The following MAP3K4 variants were observed in gnomAD, a reference collection of about 807,000 sequenced individuals.
MAP3K4 encodes the protein mitogen-activated protein kinase kinase kinase 4, also known as MAP three kinase 1.
MAP3K4 carries 67 observed loss-of-function variants against 185.6 expected under a neutral mutation model. That is an observed-to-expected ratio of 0.36 (90% CI 0.30 to 0.44). The LOEUF (loss-of-function observed/expected upper bound fraction) is 0.44, where lower values mean the gene tolerates loss of function less well. MAP3K4 is among the 20% of genes least tolerant of loss of function. The pLI is 1.00. For synonymous variants in MAP3K4, 702 were observed against 710.4 expected, an observed-to-expected ratio of 0.99 and a Z score of 0.19; for missense variants, 1,551 against 1,995.1, an observed-to-expected ratio of 0.78 and a Z score of 4.24.
Position 161,091,956 on chromosome 6 carries a change from ATAT to A in MAP3K4, c.3136-49_3136-47del. 7.0e-7 allele frequency: 1 copy of A among 1,428,186 alleles called. No homozygotes were observed. The highest frequency in any genetic ancestry group is 9.9e-7 in the Non-Finnish European group (1 of 1,013,816). 88.5% of individuals were successfully genotyped at this position (1,428,186 alleles called of 1,614,324 possible). On this transcript the variant is annotated intron_variant, in intron 12 of 26. Transcript: ENST00000392142. This position sits in a 1 kb window ranked among gnomAD's most constrained non-coding sequence, Gnocchi z 5.5. ...TTTAGACATGGCATTATAGTGTGTG[ATAT>A]TATTTAATGATCATTTCCTTAATGT...
chr6:160,999,791 C>G (rs1421743055), intron 1 of MAP3K4, among the ~76,000 whole-genome samples: 1 of 152,056 alleles, frequency 6.6e-6, no homozygotes. Flanking sequence ...ACTTGGCAAC[C>G]GTGAAATGCT....
chr6:161,002,455 G>C (rs910736840), intron 1 of MAP3K4, among the ~76,000 whole-genome samples: 6 of 151,864 alleles, frequency 4.0e-5, no homozygotes, highest in Admixed American at 1.3e-4. Context: ...AAATCTTCTC[G>C]CTTAATAAAA....
rs1785426533 is a variant in MAP3K4, at chr6:161,081,005, G to A, written c.2222G>A (p.Arg741Gln). 2.5e-6 allele frequency: 4 copies of A among 1,613,906 alleles called. No individual in the cohort carries two copies. The highest frequency in any genetic ancestry group is 3.4e-6 in the Non-Finnish European group (4 of 1,180,006). ...ACCAAAGAAATAACTCATTACATACGGGGAGGAGAAGCACAGGCCGGGAAG... is the reference window on the plus strand; with the variant it reads ...ACCAAAGAAATAACTCATTACATACAGGGAGGAGAAGCACAGGCCGGGAAG... ...NFTKEITHYI[R>Q]GGEAQAGKLF... The change falls in exon 6 of 27, where the codon CGG (arginine) becomes CAG (glutamine). Residue 741 changes from arginine (R) to glutamine (Q), a missense_variant. Arg to Gln is a conservative substitution (Grantham distance 43, BLOSUM62 1). Transcript: ENST00000392142.
At chr6:161,089,919 A>G (rs1202949760) in intron 11 of MAP3K4, among the ~76,000 whole-genome samples, 5 of 152,346 alleles carry the variant, frequency 3.3e-5, no homozygotes, top group Non-Finnish European at 7.4e-5. Flanking sequence ...GTTGCAGAGA[A>G]GTACAAAGGC....
At chr6:161,069,459 G>C (rs1383830669) in intron 3 of MAP3K4, among the ~76,000 whole-genome samples, 3 of 152,172 alleles carry the variant, frequency 2.0e-5, no homozygotes, top group African/African-American at 7.2e-5. Context: ...CGTGTGTGAG[G>C]GTTGGTTGAG....
chr6:161,087,062 C>A lies in MAP3K4; in HGVS notation c.2556+395C>A, dbSNP rs1040000293. 1.3e-5 allele frequency among the ~76,000 whole-genome samples: 2 copies of A among 152,164 alleles called. No homozygotes were observed. The highest frequency in any genetic ancestry group is 2.9e-5 in the Non-Finnish European group (2 of 68,032). On this transcript the variant is annotated intron_variant, in intron 9 of 26. Transcript: ENST00000392142. The surrounding 1 kb of genome is among the most constrained non-coding windows in gnomAD (Gnocchi z 4.9). ...ATCAAGATCCTGGTCATCACTAGAGCCACTTTTTGAGTCAGCAACTTTACT... is the reference window on the plus strand; with the variant it reads ...ATCAAGATCCTGGTCATCACTAGAGACACTTTTTGAGTCAGCAACTTTACT...
rs115450756 is a variant in MAP3K4 at position 161,084,623 on chromosome 6, A to G, written c.2372+6A>G. The G allele has an allele frequency of 5.8e-4, 869 of 1,499,968 alleles. 6 individuals are homozygous for G. In the African/African-American group the frequency reaches 0.011, roughly 19 times the overall value. The allele number at this position is 1,499,968 out of a possible 1,614,324, so 92.9% of individuals were successfully genotyped here. On this transcript the variant is annotated splice_donor_region_variant and intron_variant, in intron 7 of 26. Transcript: ENST00000392142. This position sits in a 1 kb window ranked among gnomAD's most constrained non-coding sequence, Gnocchi z 4.6. ...AGTGCTTCCGACGAAATCAGGTTGG[A>G]GTTGTGCTTCCTTTCCCCTTCCACT...
chr6:161,115,018 C>A lies in MAP3K4; in HGVS notation c.4627-105C>A. 1 of 1,018,772 alleles carries A rather than the reference C, an allele frequency of 9.8e-7. No homozygotes were observed. The allele number at this position is 1,018,772 out of a possible 1,614,324, so 63.1% of individuals were successfully genotyped here. A position where few individuals can be genotyped will look rare whatever the true frequency, so the allele number is the denominator to read the frequency against. ...GCCCTTTCAGTAAAAATTTGCTGTC[C>A]CCTGATATATATTAATGATGAGATG... On this transcript the variant is annotated intron_variant, in intron 25 of 26. Transcript: ENST00000392142. The surrounding 1 kb of genome is among the most constrained non-coding windows in gnomAD (Gnocchi z 6.0).
At chr6:161,081,474 G>A (rs780822958) in intron 6 of MAP3K4, among the ~76,000 whole-genome samples, 12 of 152,202 alleles carry the variant, frequency 7.9e-5, no homozygotes, top group African/African-American at 1.2e-4. Context: ...GCGTATATCA[G>A]TCTTGGTGGG....
chr6:161,028,363 G>A (rs1013083214), intron 1 of MAP3K4, among the ~76,000 whole-genome samples: 6 of 152,002 alleles, frequency 3.9e-5, no homozygotes, highest in African/African-American at 9.7e-5. Context: ...GTGTGGGGGC[G>A]TAGGGATTTC....
rs1778239353 is a variant in MAP3K4 at position 161,109,229 on chromosome 6, C to A, written c.4236+370C>A. Reference sequence around the variant, plus strand: ...TTTTTCTTGTATGTATTTAGGGAGCCATTGTGAAATGAGAGAAAATTCAAA... The same window carrying A: ...TTTTTCTTGTATGTATTTAGGGAGCAATTGTGAAATGAGAGAAAATTCAAA... On this transcript the variant is annotated intron_variant, in intron 22 of 26. Transcript: ENST00000392142. This position sits in a 1 kb window ranked among gnomAD's most constrained non-coding sequence, Gnocchi z 5.7. Among the ~76,000 whole-genome samples, 1 of 152,098 alleles carries A rather than the reference C, an allele frequency of 6.6e-6. No individual in the cohort carries two copies. Among genetic ancestry groups the A allele is most frequent in the African/African-American group, 2.4e-5 (1 of 41,398 alleles).
intron 3 of MAP3K4, among the ~76,000 whole-genome samples, chr6:161,065,014 G>A (rs1194381546): frequency 6.6e-6 from 1 of 152,218 alleles, no homozygotes; most frequent in Non-Finnish European, 1.5e-5. Flanking sequence ...TACAGAGGTA[G>A]TCACAGTGCT....
chr6:161,105,375 A>G (rs1348927280), intron 19 of MAP3K4, among the ~76,000 whole-genome samples: 1 of 152,230 alleles, frequency 6.6e-6, no homozygotes, highest in Non-Finnish European at 1.5e-5. Context: ...TCCTCACAGT[A>G]GGTCTGTGAG....
intron 5 of MAP3K4, among the ~76,000 whole-genome samples, chr6:161,079,345 A>G (rs1194807106): frequency 6.6e-6 from 1 of 152,032 alleles, no homozygotes; most frequent in East Asian, 1.9e-4. Context: ...TGGGAGGCCA[A>G]GGTGGACAGA....
chr6:161,101,288 C>T lies in MAP3K4; in HGVS notation c.3675-604C>T, dbSNP rs1306075607. On this transcript the variant is annotated intron_variant, in intron 17 of 26. Transcript: ENST00000392142. The surrounding 1 kb of genome is among the most constrained non-coding windows in gnomAD (Gnocchi z 5.1). ...CCTGCTCTTTTGCACTTTTGCTTGG[C>T]TACTGCTTGAGAAACCTTTAGGTAT... 1 of 152,068 alleles carries T rather than the reference C, an allele frequency of 6.6e-6. No homozygotes were observed. The highest frequency in any genetic ancestry group is 1.5e-5 in the Non-Finnish European group (1 of 68,030). 9.4% of individuals were successfully genotyped at this position (152,068 alleles called of 1,614,324 possible).
chr6:161,098,297 G>T lies in MAP3K4; in HGVS notation c.3544G>T (p.Asp1182Tyr). The T allele has an allele frequency of 3.1e-6, 5 of 1,611,478 alleles. No homozygotes were observed. The highest frequency in any genetic ancestry group is 4.2e-6 in the Non-Finnish European group (5 of 1,179,586). The change falls in exon 17 of 27, where the codon GAC becomes TAC. Residue 1182 changes from aspartate to tyrosine, a missense_variant. By Grantham distance (160) the Asp-to-Tyr change is radical (BLOSUM62 -3). Transcript: ENST00000392142. This position sits in a 1 kb window ranked among gnomAD's most constrained non-coding sequence, Gnocchi z 4.4. Reference protein sequence around the residue: ...EGFSTRSMPSDARSHGSPAAA... With the variant: ...EGFSTRSMPSYARSHGSPAAA... ...TCTTAGCACTCGGAGCATGCCTTCC[G>T]ACGCGCGGAGCCATGGCAGCCCTGC...
At chr6:161,079,234 A>T (rs1050848280) in intron 5 of MAP3K4, among the ~76,000 whole-genome samples, 1 of 149,872 alleles carries the variant, frequency 6.7e-6, no homozygotes, top group African/African-American at 2.5e-5. Context: ...AAAAAAAAAA[A>T]GCAGTGGGAA....
chr6:161,015,809 A>G (rs1027818883), intron 1 of MAP3K4, among the ~76,000 whole-genome samples: 1 of 152,192 alleles, frequency 6.6e-6, no homozygotes, highest in Non-Finnish European at 1.5e-5. Context: ...GTCATTCATC[A>G]GGGGTCTGCC....
In MAP3K4 at chr6:161,048,807, A is replaced by G. The variant is rs370691653; in HGVS notation, c.535A>G (p.Ile179Val). 3.5e-5 allele frequency: 57 copies of G among 1,614,052 alleles called. No individual in the cohort carries two copies. Among genetic ancestry groups the G allele is most frequent in the African/African-American group, 6.7e-5 (5 of 74,926 alleles). Residue 179 changes from isoleucine to valine, a missense_variant, in exon 3 of 27, where the codon ATT becomes GTT. Coordinates refer to ENST00000392142, the MANE Select transcript of MAP3K4 (RefSeq NM_005922.4). This position sits in a 1 kb window ranked among gnomAD's most constrained non-coding sequence, Gnocchi z 4.7. Reference sequence around the variant, plus strand: ...GGGTGGATCTTTGCCAAAAAAATCAATTCCAGATGTGGATCTCAATAAGCC... The same window carrying G: ...GGGTGGATCTTTGCCAAAAAAATCAGTTCCAGATGTGGATCTCAATAAGCC... ...SVGGSLPKKS[I>V]PDVDLNKPYL...
Sources: allele counts gnomAD v4.1 joint callset (sites outside exome capture counted in the v4.1 genomes callset), GRCh38; gene constraint gnomAD v4.1.1; non-coding constraint Gnocchi (gnomAD v3.1); transcripts MANE v1.5; gene names NCBI Gene and HGNC (gene_info 2026-07-23, HGNC 2026-07-21).